ADAMTS6: variants seen among roughly 807,000 people sequenced by gnomAD.
ADAMTS6 encodes A disintegrin and metalloproteinase with thrombospondin motifs 6.
A neutral mutation model predicts 144.3 loss-of-function variants in ADAMTS6; 23 were observed. The observed-to-expected ratio is 0.16, with a 90% confidence interval of 0.11 to 0.23. ADAMTS6 has a LOEUF of 0.23. Ranked by LOEUF, ADAMTS6 falls within the 10% of genes least tolerant of loss-of-function variation. The probability of loss-of-function intolerance (pLI) is 1.00; values close to 1 mark genes in which losing one functional copy is unlikely to be tolerated. For synonymous variants in ADAMTS6, 444 were observed against 457.5 expected, an observed-to-expected ratio of 0.97 and a Z score of 0.38; for missense variants, 999 against 1,379.6, an observed-to-expected ratio of 0.72 and a Z score of 4.37.
At chr5:65,366,117 C>T (rs1750288953) in intron 7 of ADAMTS6, among the ~76,000 whole-genome samples, 1 of 152,062 alleles carries the variant, frequency 6.6e-6, no homozygotes, top group Non-Finnish European at 1.5e-5. Context: ...CATCAGATCT[C>T]AGAGAAACTT....
intron 22 of ADAMTS6, among the ~76,000 whole-genome samples, chr5:65,185,498 T>G (rs914627598): frequency 6.6e-6 from 1 of 152,194 alleles, no homozygotes; most frequent in Non-Finnish European, 1.5e-5. Context: ...CAACAGCAGC[T>G]CCCTTGGACA....
chr5:65,219,695 AC>A lies in ADAMTS6; in HGVS notation c.2273-4209del, dbSNP rs201349785. ...GTGGTTGGAATTACAGGCATGTGCC[AC>A]CATGCCAGACTGGTCATAGAATATT... On this transcript the variant is annotated intron_variant, in intron 18 of 24. Transcript: ENST00000381055. 6.5e-3 allele frequency among the ~76,000 whole-genome samples: 990 copies of A among 152,354 alleles called. 10 individuals are homozygous for A. Among genetic ancestry groups the A allele is most frequent in the African/African-American group, 0.022 (903 of 41,576 alleles).
At chr5:65,393,819 G>A (rs754647767) in intron 7 of ADAMTS6, among the ~76,000 whole-genome samples, 9 of 152,158 alleles carry the variant, frequency 5.9e-5, no homozygotes, top group Non-Finnish European at 1.3e-4. Flanking sequence ...CCAAAATGAT[G>A]TTGATTTTAG....
At chr5:65,449,600 G>A (rs1006925003) in intron 7 of ADAMTS6, among the ~76,000 whole-genome samples, 8 of 151,896 alleles carry the variant, frequency 5.3e-5, no homozygotes, top group African/African-American at 1.5e-4. Context: ...CAGCCTGGGC[G>A]ACAGAGCAGG....
intron 20 of ADAMTS6, among the ~76,000 whole-genome samples, chr5:65,200,350 TCTAAA>T (rs1198759351): frequency 2.6e-5 from 4 of 152,194 alleles, no homozygotes; most frequent in Non-Finnish European, 5.9e-5. Context: ...CTGGAAATAA[TCTAAA>T]CTAAGTCCAC....
In ADAMTS6 at chr5:65,197,147, G is replaced by C; in HGVS notation, c.2580C>G (p.Val860=). The part of the protein sequence containing the change: ...SECSATCAGG[V]QRQEVVCKRL... ...TTTTACAGACCACCTCCTGTCTTTG[G>C]ACACCTTGAGAAAAGGAGGACATCA... The change falls in exon 21 of 25, where the codon GTC becomes GTG. Residue 860 remains valine (V), a synonymous_variant. Coordinates refer to ENST00000381055, the MANE Select transcript of ADAMTS6 (RefSeq NM_197941.4). The C allele has an allele frequency of 1.2e-6, 2 of 1,613,072 alleles. No homozygotes were observed.
At chr5:65,361,719 A>AT (rs546537463) in intron 7 of ADAMTS6, among the ~76,000 whole-genome samples, 37 of 151,236 alleles carry the variant, frequency 2.4e-4, no homozygotes, top group South Asian at 1.5e-3. Flanking sequence ...TACTATGGTG[A>AT]TTTTTTTTCT....
intron 12 of ADAMTS6, among the ~76,000 whole-genome samples, chr5:65,269,937 G>C (rs1297886465): frequency 6.6e-6 from 1 of 151,886 alleles, no homozygotes; most frequent in African/African-American, 2.4e-5. Flanking sequence ...GGGACTACAG[G>C]TGCCTGCCAC....
At chr5:65,372,279 A>G (rs374606061) in intron 7 of ADAMTS6, among the ~76,000 whole-genome samples, 1 of 151,240 alleles carries the variant, frequency 6.6e-6, no homozygotes, top group African/African-American at 2.5e-5. Flanking sequence ...ATGTAAATGG[A>G]CTAAATGCTC....
intron 14 of ADAMTS6, among the ~76,000 whole-genome samples, chr5:65,258,033 T>C (rs777336370): frequency 6.6e-6 from 1 of 152,218 alleles, no homozygotes; most frequent in East Asian, 1.9e-4. Flanking sequence ...ATCATCATAA[T>C]TGAAGCTACA....
At chr5:65,460,926 A>G (rs1295585306) in intron 3 of ADAMTS6, among the ~76,000 whole-genome samples, 5 of 152,230 alleles carry the variant, frequency 3.3e-5, no homozygotes, top group African/African-American at 7.2e-5. Context: ...ATAAGCTTCT[A>G]TTGTGACAAA....
At chr5:65,323,181 A>G (rs1487023969) in intron 9 of ADAMTS6, among the ~76,000 whole-genome samples, 1 of 151,742 alleles carries the variant, frequency 6.6e-6, no homozygotes, top group Admixed American at 6.6e-5. Context: ...TTTGTTACCT[A>G]TGTATACATG....
At chr5:65,277,081 G>C (rs1008595720) in intron 11 of ADAMTS6, among the ~76,000 whole-genome samples, 1 of 152,182 alleles carries the variant, frequency 6.6e-6, no homozygotes, top group Non-Finnish European at 1.5e-5. Flanking sequence ...GAAGGAGAGA[G>C]AAGTTATCCA....
intron 10 of ADAMTS6, among the ~76,000 whole-genome samples, chr5:65,296,594 A>G (rs1404439290): frequency 1.3e-5 from 2 of 152,186 alleles, no homozygotes; most frequent in African/African-American, 4.8e-5. Flanking sequence ...ATTGTTTTTT[A>G]TATAATAGTC....
At chr5:65,199,002 C>CCT (rs1755566525) in intron 20 of ADAMTS6, among the ~76,000 whole-genome samples, 2 of 152,230 alleles carry the variant, frequency 1.3e-5, no homozygotes, top group Admixed American at 1.3e-4. Flanking sequence ...TAGACAGATA[C>CCT]CTCTACCATT....
At chr5:65,375,703 C>T (rs1370795633) in intron 7 of ADAMTS6, among the ~76,000 whole-genome samples, 1 of 152,012 alleles carries the variant, frequency 6.6e-6, no homozygotes, top group Admixed American at 6.6e-5. Flanking sequence ...GTCAGTGTGG[C>T]GATTCCTCAG....
Position 65,329,460 on chromosome 5 carries a change from A to G in ADAMTS6, c.1141T>C (p.Cys381Arg), listed in dbSNP as rs750733913. 2 of 1,612,156 alleles carry G rather than the reference A, an allele frequency of 1.2e-6. No homozygotes were observed. Among genetic ancestry groups the G allele is most frequent in the African/African-American group, 1.3e-5 (1 of 74,848 alleles). ...TLGLASVAGMCEPERSCSINE... is the reference protein window; with the variant it reads ...TLGLASVAGMREPERSCSINE... ...ATGCTGCAGCTCCTTTCAGGCTCAC[A>G]CATTCCAGCCACAGAGGCCAAGCCT... is the stretch of plus-strand genomic sequence containing the variant. The change falls in exon 9 of 25, where the codon TGT (cysteine) becomes CGT (arginine). Residue 381 changes from cysteine (C) to arginine (R), a missense_variant. By Grantham distance (180) the Cys-to-Arg change is radical. This residue lies in a region of ADAMTS6 where 128 missense variants were observed against 249.0 expected (regional missense o/e 0.51). Transcript: ENST00000381055.
chr5:65,223,689 A>C (rs1028632477), intron 18 of ADAMTS6, among the ~76,000 whole-genome samples: 4 of 152,092 alleles, frequency 2.6e-5, no homozygotes, highest in African/African-American at 9.7e-5. Context: ...AGATAAAATA[A>C]GTTTTTTAAT....
chr5:65,370,084 G>C (rs560700388), intron 7 of ADAMTS6, among the ~76,000 whole-genome samples: 2 of 152,278 alleles, frequency 1.3e-5, no homozygotes, highest in East Asian at 1.9e-4. Flanking sequence ...TTTAAGGTCA[G>C]TGAACCTCAA....
Sources: allele counts gnomAD v4.1 joint callset (sites outside exome capture counted in the v4.1 genomes callset), GRCh38; gene constraint gnomAD v4.1.1; regional missense constraint gnomAD v4.1.1; transcripts MANE v1.5; gene names NCBI Gene and HGNC (gene_info 2026-07-23, HGNC 2026-07-21).